The following SLC44A5 variants were observed in gnomAD, a reference collection of about 807,000 sequenced individuals.
SLC44A5 encodes solute carrier family 44 member 5, also known as choline transporter-like protein 5.
SLC44A5 carries 57 observed loss-of-function variants against 101.8 expected under a neutral mutation model. The ratio of observed to expected loss-of-function variants is 0.56; its 90% CI spans 0.45 to 0.70. The LOEUF (loss-of-function observed/expected upper bound fraction) is 0.70. Ranked by LOEUF, SLC44A5 falls within the 30% of genes least tolerant of loss-of-function variation. The pLI, the probability that SLC44A5 is intolerant of heterozygous loss-of-function variation, is 0.00. For missense variants in SLC44A5, 737 were observed against 853.1 expected, an observed-to-expected ratio of 0.86 and a Z score of 1.70; for synonymous variants, 281 against 290.9, an observed-to-expected ratio of 0.97 and a Z score of 0.35.
rs1213026476 is a variant in SLC44A5 at position 75,219,879 on chromosome 1, C to T, written c.1099G>A (p.Val367Ile). Reference protein sequence around the residue: ...LKEGSKAIGYVPSTLVYPALT... With the variant: ...LKEGSKAIGYIPSTLVYPALT... ...GCTGGATAGACTAATGTACTAGGAACATATCCAATGGCTCTGAAATAAAAC... is the reference window on the plus strand; with the variant it reads ...GCTGGATAGACTAATGTACTAGGAATATATCCAATGGCTCTGAAATAAAAC... The change falls in exon 15 of 24, where the codon GTT becomes ATT. Residue 367 changes from valine to isoleucine, a missense_variant. Transcript: ENST00000370859. 2 of 1,605,266 alleles carry T rather than the reference C, an allele frequency of 1.2e-6. No homozygotes were observed. Among genetic ancestry groups the T allele is most frequent in the African/African-American group, 2.7e-5 (2 of 74,550 alleles).
intron 3 of SLC44A5, among the ~76,000 whole-genome samples, chr1:75,383,109 T>C (rs1477814343): frequency 4.4e-5 from 1 of 22,728 alleles, no homozygotes; most frequent in Non-Finnish European, 9.4e-5. Flanking sequence ...CAATACTGCT[T>C]TGTAAAGCAT....
chr1:75,471,643 G>A (rs1667118319), intron 2 of SLC44A5, among the ~76,000 whole-genome samples: 2 of 151,970 alleles, frequency 1.3e-5, no homozygotes. Context: ...TTGCTAATGT[G>A]TTCAAAGTAT....
At chr1:75,227,094 G>A (rs918143556) in intron 13 of SLC44A5, among the ~76,000 whole-genome samples, 2 of 151,866 alleles carry the variant, frequency 1.3e-5, no homozygotes, top group African/African-American at 4.8e-5. Flanking sequence ...GGTGGCTCAC[G>A]CCAGCACGGT....
chr1:75,677,723 C>A, the SLC44A5 span: 5 of 439,748 alleles, frequency 1.1e-5, no homozygotes, highest in African/African-American at 4.2e-5. Flanking sequence ...GTGCAATCAT[C>A]TGTTACCTAT....
At chr1:75,622,793 C>G in the SLC44A5 span, among the ~76,000 whole-genome samples, 5 of 152,120 alleles carry the variant, frequency 3.3e-5, no homozygotes, top group African/African-American at 7.2e-5. Context: ...CTCCTGCCAG[C>G]TTCCAATTAA....
intron 2 of SLC44A5, among the ~76,000 whole-genome samples, chr1:75,396,867 G>A (rs1662159724): frequency 6.6e-6 from 1 of 152,150 alleles, no homozygotes; most frequent in Non-Finnish European, 1.5e-5. Context: ...TGGGGATGAT[G>A]AAATAAAGCT....
intron 4 of SLC44A5, among the ~76,000 whole-genome samples, chr1:75,335,940 G>A (rs1016505723): frequency 2.6e-5 from 4 of 152,124 alleles, no homozygotes; most frequent in Non-Finnish European, 5.9e-5. Flanking sequence ...CACATTTGGT[G>A]CACAGCCCAT....
intron 2 of SLC44A5, among the ~76,000 whole-genome samples, chr1:75,483,387 T>C (rs995352358): frequency 1.3e-5 from 2 of 152,178 alleles, no homozygotes; most frequent in Non-Finnish European, 2.9e-5. Context: ...ACAAATAGTC[T>C]CATAGAACAT....
intron 2 of SLC44A5, among the ~76,000 whole-genome samples, chr1:75,466,655 TAAAAA>T (rs754658767): frequency 1.1e-5 from 1 of 88,492 alleles, no homozygotes; most frequent in East Asian, 3.0e-4. Flanking sequence ...GATGCCATCT[TAAAAA>T]AAAAAAAAAA....
intron 1 of SLC44A5, among the ~76,000 whole-genome samples, chr1:75,585,050 A>C (rs1233689113): frequency 2.0e-5 from 3 of 152,342 alleles, no homozygotes; most frequent in Non-Finnish European, 2.9e-5. Context: ...GAAAGTCAGA[A>C]AGCCTGGTTC....
intron 1 of SLC44A5, among the ~76,000 whole-genome samples, chr1:75,564,410 C>T (rs1268890299): frequency 6.6e-6 from 1 of 150,384 alleles, no homozygotes. Context: ...TCACCTTCCT[C>T]TCATAAGTCC....
At chr1:75,411,457 A>T (rs962726090) in intron 2 of SLC44A5, among the ~76,000 whole-genome samples, 1 of 152,106 alleles carries the variant, frequency 6.6e-6, no homozygotes, top group African/African-American at 2.4e-5. Context: ...CAATATCAAT[A>T]CTTCAGCCCA....
chr1:75,570,843 C>T (rs112881557), intron 1 of SLC44A5, among the ~76,000 whole-genome samples: 19 of 152,018 alleles, frequency 1.2e-4, no homozygotes, highest in Admixed American at 5.9e-4. Flanking sequence ...TAAGACAGTA[C>T]GTTAATGTGC....
chr1:75,258,422 G>T (rs775038782), intron 6 of SLC44A5, among the ~76,000 whole-genome samples: 7 of 54,842 alleles, frequency 1.3e-4, no homozygotes, highest in Non-Finnish European at 2.4e-4. Context: ...AGTTGGAACT[G>T]GGTGGAGCTC....
At chr1:75,370,992 G>A (rs1660185364) in intron 3 of SLC44A5, among the ~76,000 whole-genome samples, 2 of 152,114 alleles carry the variant, frequency 1.3e-5, no homozygotes, top group South Asian at 2.1e-4. Context: ...AGAGGAGTGA[G>A]GAGAAGGATT....
chr1:75,481,197 C>A (rs550031209), intron 2 of SLC44A5, among the ~76,000 whole-genome samples: 9 of 152,262 alleles, frequency 5.9e-5, no homozygotes, highest in African/African-American at 2.2e-4. Context: ...AACTGGCTAG[C>A]CATATGTAGA....
chr1:75,274,843 G>C (rs779174551), intron 6 of SLC44A5, 115 bp downstream of exon 6: 83 of 811,396 alleles, frequency 1.0e-4, no homozygotes, highest in Middle Eastern at 5.8e-4. Flanking sequence ...GGGAGGGAAG[G>C]CTTCCTTTAT....
intron 2 of SLC44A5, among the ~76,000 whole-genome samples, chr1:75,454,034 C>G (rs538004311): frequency 1.1e-4 from 16 of 152,044 alleles, no homozygotes; most frequent in Non-Finnish European, 2.4e-4. Context: ...AGGGACTCTT[C>G]CCTAACTCAT....
the SLC44A5 span, among the ~76,000 whole-genome samples, chr1:75,668,822 C>A: frequency 6.6e-6 from 1 of 151,182 alleles, no homozygotes; most frequent in Non-Finnish European, 1.5e-5. Flanking sequence ...TGGCAAAACC[C>A]CATCTCTATT....
Sources: gnomAD v4.1 joint callset for allele counts (sites outside exome capture counted in the v4.1 genomes callset) on GRCh38, gnomAD v4.1.1 for gene constraint, MANE v1.5 for transcripts, NCBI Gene and HGNC (gene_info 2026-07-23, HGNC 2026-07-21) for gene names.